The following VTI1A variants were observed in gnomAD, a reference collection of about 807,000 sequenced individuals.
The protein encoded by VTI1A is vesicle transport through interaction with t-SNAREs 1A.
A neutral mutation model predicts 34.9 loss-of-function variants in VTI1A; 22 were observed. That is an observed-to-expected ratio of 0.63 (90% CI 0.45 to 0.90). The LOEUF (loss-of-function observed/expected upper bound fraction) is 0.90, where lower values mean the gene tolerates loss of function less well. Ranked by LOEUF, VTI1A falls within the 40% of genes least tolerant of loss-of-function variation. VTI1A has a pLI of 0.00. For synonymous variants in VTI1A, 87 were observed against 97.3 expected, an observed-to-expected ratio of 0.89 and a Z score of 0.62; for missense variants, 268 against 275.6, an observed-to-expected ratio of 0.97 and a Z score of 0.20.
At chr10:112,829,174 G>C in the VTI1A span, among the ~76,000 whole-genome samples, 2 of 152,220 alleles carry the variant, frequency 1.3e-5, no homozygotes, top group African/African-American at 4.8e-5. Flanking sequence ...GCTGGGCGAG[G>C]TGGCTCACGC....
chr10:112,745,629 T>G (rs1590144084), intron 7 of VTI1A, among the ~76,000 whole-genome samples: 2 of 152,230 alleles, frequency 1.3e-5, no homozygotes, highest in African/African-American at 4.8e-5. Flanking sequence ...CTAACTCAGC[T>G]TCCCCTTAGC....
downstream of VTI1A, among the ~76,000 whole-genome samples, chr10:112,822,691 A>G (rs955933418): frequency 2.5e-4 from 38 of 152,176 alleles, no homozygotes; most frequent in African/African-American, 7.5e-4. Flanking sequence ...CCAGAGCTCT[A>G]CACTGCATTT....
intron 5 of VTI1A, among the ~76,000 whole-genome samples, chr10:112,618,508 T>C (rs1287858717): frequency 3.2e-5 from 1 of 31,308 alleles, no homozygotes; most frequent in Non-Finnish European, 6.0e-5. Context: ...TATATATATA[T>C]ATATATATAT....
intron 7 of VTI1A, among the ~76,000 whole-genome samples, chr10:112,731,575 C>CAAA (rs34452346): frequency 1.3e-4 from 15 of 116,948 alleles, no homozygotes; most frequent in African/African-American, 4.0e-4. Flanking sequence ...AACTCCATCT[C>CAAA]AAAAAAAAAA....
chr10:112,767,725 G>T lies in VTI1A; in HGVS notation c.561-47565G>T, dbSNP rs1312289417. Among the ~76,000 whole-genome samples, 1 of 150,848 alleles carries T rather than the reference G, an allele frequency of 6.6e-6. No homozygotes were observed. Among genetic ancestry groups the T allele is most frequent in the African/African-American group, 2.4e-5 (1 of 40,964 alleles). On this transcript the variant is annotated intron_variant, in intron 7 of 7. Coordinates refer to ENST00000393077, the MANE Select transcript of VTI1A (RefSeq NM_145206.4). The surrounding 1 kb of genome is among the most constrained non-coding windows in gnomAD (Gnocchi z 4.0). ...TCTCTGTATTCTCCCAATTTTCTTG[G>T]TTGCGATGAAAAAATAATAATTTTT...
chr10:112,705,371 G>A (rs1188722380), intron 7 of VTI1A, among the ~76,000 whole-genome samples: 1 of 152,092 alleles, frequency 6.6e-6, no homozygotes, highest in Admixed American at 6.5e-5. Flanking sequence ...AACAGAACAG[G>A]CAGTCAGACT....
At chr10:112,517,791 T>G (rs1182779286) in intron 3 of VTI1A, among the ~76,000 whole-genome samples, 1 of 152,088 alleles carries the variant, frequency 6.6e-6, no homozygotes, top group Non-Finnish European at 1.5e-5. Flanking sequence ...TCCTCAGAAC[T>G]GTCAAGGTCA....
intron 3 of VTI1A, among the ~76,000 whole-genome samples, chr10:112,478,000 A>C (rs896018118): frequency 1.7e-4 from 26 of 152,178 alleles, no homozygotes; most frequent in African/African-American, 6.3e-4. Context: ...ATTTATATTC[A>C]TTTTAGTTTC....
At chr10:112,727,962 T>A (rs1253556453) in intron 7 of VTI1A, among the ~76,000 whole-genome samples, 1 of 152,096 alleles carries the variant, frequency 6.6e-6, no homozygotes, top group Non-Finnish European at 1.5e-5. Context: ...AGGGGTTTAA[T>A]CCCAACCTCA....
At chr10:112,537,337 A>G (rs1194884280) in intron 4 of VTI1A, among the ~76,000 whole-genome samples, 2 of 136,556 alleles carry the variant, frequency 1.5e-5, no homozygotes, top group Admixed American at 7.3e-5. Context: ...ATATATATAT[A>G]TCTGTATCAG....
At chr10:112,737,795 A>G in intron 7 of VTI1A, 1 of 1,059,682 alleles carries the variant, frequency 9.4e-7, no homozygotes, top group Non-Finnish European at 1.1e-6. Context: ...TTACAAATTG[A>G]TGATTTTCTG....
chr10:112,566,873 G>C (rs1447505187), intron 5 of VTI1A, among the ~76,000 whole-genome samples: 1 of 151,968 alleles, frequency 6.6e-6, no homozygotes, highest in Non-Finnish European at 1.5e-5. Flanking sequence ...TGGGGCATGG[G>C]GGTCTTTCCC....
intron 4 of VTI1A, among the ~76,000 whole-genome samples, chr10:112,532,954 T>C (rs1850498911): frequency 1.3e-5 from 2 of 152,146 alleles, no homozygotes; most frequent in Non-Finnish European, 2.9e-5. Flanking sequence ...TGGCATACTT[T>C]ATTTTCTATT....
At chr10:112,543,793 T>C (rs1589883058) in intron 5 of VTI1A, among the ~76,000 whole-genome samples, 1 of 152,244 alleles carries the variant, frequency 6.6e-6, no homozygotes, top group Admixed American at 6.5e-5. Context: ...GGTTTTCTTC[T>C]AGAGTTTTTA....
At chr10:112,836,583 T>C in the VTI1A span, among the ~76,000 whole-genome samples, 1 of 152,330 alleles carries the variant, frequency 6.6e-6, no homozygotes, top group South Asian at 2.1e-4. Flanking sequence ...AAATCTTAGT[T>C]GGGGGCTTCA....
intron 3 of VTI1A, among the ~76,000 whole-genome samples, chr10:112,467,941 G>A (rs1162237632): frequency 2.0e-5 from 3 of 152,076 alleles, no homozygotes; most frequent in Non-Finnish European, 4.4e-5. Flanking sequence ...AATTATAGTG[G>A]GGGAAAAAAT....
intron 1 of VTI1A, among the ~76,000 whole-genome samples, chr10:112,460,089 A>AT (rs201406568): frequency 0.01 from 1,569 of 152,290 alleles, 21 homozygotes; most frequent in African/African-American, 0.036. Context: ...TGAAAGTACA[A>AT]TTTTTTAAAG....
chr10:112,850,644 T>C, the VTI1A span, among the ~76,000 whole-genome samples: 1 of 152,214 alleles, frequency 6.6e-6, no homozygotes, highest in African/African-American at 2.4e-5. Flanking sequence ...AACTTAATTT[T>C]ATTTCTCTTA....
At chr10:112,734,748 G>A (rs370868855) in intron 7 of VTI1A, among the ~76,000 whole-genome samples, 45 of 151,470 alleles carry the variant, frequency 3.0e-4, no homozygotes, top group African/African-American at 9.7e-4. Context: ...CGCCTCCCAG[G>A]TTCAAGACAT....
Sources: gnomAD v4.1 joint callset for allele counts (sites outside exome capture counted in the v4.1 genomes callset) on GRCh38, gnomAD v4.1.1 for gene constraint, Gnocchi (gnomAD v3.1) non-coding constraint, MANE v1.5 for transcripts, NCBI Gene and HGNC (gene_info 2026-07-23, HGNC 2026-07-21) for gene names.